The following OR2L13 variants were observed in gnomAD, a reference collection of about 807,000 sequenced individuals.
OR2L13 encodes olfactory receptor 2L13.
OR2L13 carries 14 observed loss-of-function variants against 15.3 expected under a neutral mutation model. That is an observed-to-expected ratio of 0.91 (90% CI 0.60 to 1.43). The LOEUF (loss-of-function observed/expected upper bound fraction) is 1.43. Among genes scored for constraint, OR2L13 ranks in the 40% most tolerant of loss-of-function variants. The probability of loss-of-function intolerance (pLI) is 0.00; values close to 1 mark genes in which losing one functional copy is unlikely to be tolerated. For synonymous variants in OR2L13, 152 were observed against 142.9 expected (o/e 1.06, Z -0.45); for missense variants, 367 against 387.9 (o/e 0.95, Z 0.45).
the OR2L13 span, chr1:247,990,207 G>C: frequency 9.4e-6 from 6 of 640,496 alleles, no homozygotes; most frequent in African/African-American, 1.1e-4. Context: ...AGATAAGGGG[G>C]AACTACTGTA....
chr1:248,093,694 T>G (rs1048633701), upstream of OR2L13, among the ~76,000 whole-genome samples: 5 of 152,154 alleles, frequency 3.3e-5, no homozygotes, highest in African/African-American at 9.7e-5. Context: ...AGCATTACTT[T>G]AGTTCCGGTT....
the OR2L13 span, among the ~76,000 whole-genome samples, chr1:248,000,778 T>C: frequency 6.6e-6 from 1 of 152,108 alleles, no homozygotes; most frequent in African/African-American, 2.4e-5. Flanking sequence ...TGTTGCCAGG[T>C]GAAGTTAAAG....
the OR2L13 span, chr1:247,991,164 C>T: frequency 1.2e-6 from 2 of 1,605,872 alleles, no homozygotes; most frequent in East Asian, 4.5e-5. Flanking sequence ...TGATGGGGGC[C>T]CTGACACGAG....
chr1:248,039,764 A>G, the OR2L13 span: 4 of 152,214 alleles, frequency 2.6e-5, no homozygotes, highest in African/African-American at 4.8e-5. Context: ...AAAATAACAA[A>G]TTAGTTAAAA....
chr1:248,045,178 A>G, the OR2L13 span, among the ~76,000 whole-genome samples: 5 of 152,238 alleles, frequency 3.3e-5, no homozygotes, highest in African/African-American at 7.2e-5. Context: ...ATGTGATTTA[A>G]TGAATAATTC....
At chr1:248,034,274 C>G in the OR2L13 span, among the ~76,000 whole-genome samples, 1,226 of 152,128 alleles carry the variant, frequency 8.1e-3, 12 homozygotes, top group South Asian at 0.032. Flanking sequence ...CATCAAAATA[C>G]CACCATCATT....
At chr1:248,000,893 A>G in the OR2L13 span, among the ~76,000 whole-genome samples, 1 of 152,126 alleles carries the variant, frequency 6.6e-6, no homozygotes, top group Admixed American at 6.5e-5. Flanking sequence ...TTTCTCAATT[A>G]TTTACCACTT....
At chr1:247,943,743 A>G in the OR2L13 span, among the ~76,000 whole-genome samples, 1 of 152,162 alleles carries the variant, frequency 6.6e-6, no homozygotes, top group Non-Finnish European at 1.5e-5. Flanking sequence ...ACTGTAAGTG[A>G]GAAGCATCTG....
the OR2L13 span, among the ~76,000 whole-genome samples, chr1:247,963,362 T>G: frequency 6.6e-6 from 1 of 152,174 alleles, no homozygotes; most frequent in Non-Finnish European, 1.5e-5. Flanking sequence ...TATGTTAATG[T>G]ATTCTAATTA....
At chr1:248,023,374 T>A in the OR2L13 span, 1 of 152,378 alleles carries the variant, frequency 6.6e-6, no homozygotes, top group Non-Finnish European at 1.5e-5. Flanking sequence ...AATAAGTATG[T>A]CTGGGGTGAA....
At chr1:248,090,094 T>C in the OR2L13 span, among the ~76,000 whole-genome samples, 3 of 152,172 alleles carry the variant, frequency 2.0e-5, no homozygotes, top group South Asian at 2.1e-4. Flanking sequence ...CATTAGCTGC[T>C]CACTTCTCCT....
At chr1:247,986,535 T>G in the OR2L13 span, among the ~76,000 whole-genome samples, 1 of 152,150 alleles carries the variant, frequency 6.6e-6, no homozygotes, top group South Asian at 2.1e-4. Flanking sequence ...TAGTTTGAAG[T>G]CAGGTAGTGT....
At chr1:247,962,204 A>G in the OR2L13 span, among the ~76,000 whole-genome samples, 1 of 152,326 alleles carries the variant, frequency 6.6e-6, no homozygotes, top group East Asian at 1.9e-4. Flanking sequence ...ATCCTCTATG[A>G]ATTCTATAAT....
chr1:248,005,034 G>A, the OR2L13 span, among the ~76,000 whole-genome samples: 19 of 152,108 alleles, frequency 1.2e-4, no homozygotes, highest in Non-Finnish European at 2.4e-4. Context: ...CAGGGGAGGG[G>A]TGATAAAGTG....
the OR2L13 span, among the ~76,000 whole-genome samples, chr1:248,015,986 T>C: frequency 1.4e-4 from 22 of 152,330 alleles, no homozygotes; most frequent in South Asian, 2.5e-3. Context: ...TTCCCAACTC[T>C]ATCACTAGGT....
the OR2L13 span, chr1:247,938,862 A>G: frequency 1.3e-5 from 2 of 152,192 alleles, no homozygotes; most frequent in South Asian, 4.1e-4. Context: ...ATCTAAAGAC[A>G]TGCATTTGTA....
chr1:247,991,645 T>C, the OR2L13 span, among the ~76,000 whole-genome samples: 2 of 149,324 alleles, frequency 1.3e-5, no homozygotes, highest in Non-Finnish European at 3.0e-5. Context: ...CACTCAATGT[T>C]TCCCTCGTGA....
upstream of OR2L13, among the ~76,000 whole-genome samples, chr1:248,095,900 T>A (rs775820184): frequency 6.6e-6 from 1 of 151,392 alleles, no homozygotes; most frequent in Non-Finnish European, 1.5e-5. Context: ...CCACTGCGCC[T>A]GGCCATAAAA....
chr1:247,949,733 G>T, the OR2L13 span: 42 of 1,613,644 alleles, frequency 2.6e-5, no homozygotes, highest in Non-Finnish European at 5.1e-6. Flanking sequence ...ATAGCCTGAG[G>T]AACAAGGAGG....
Sources: allele counts gnomAD v4.1 joint callset (sites outside exome capture counted in the v4.1 genomes callset), GRCh38; gene constraint gnomAD v4.1.1; transcripts MANE v1.5; gene names NCBI Gene and HGNC (gene_info 2026-07-23, HGNC 2026-07-21).